The following ADARB2 variants were observed in gnomAD, a reference collection of about 807,000 sequenced individuals.
ADARB2 encodes the protein inactive double-stranded RNA-specific editase B2.
ADARB2 carries 25 observed loss-of-function variants against 62.2 expected under a neutral mutation model. The observed-to-expected ratio is 0.40, with a 90% CI of 0.29 to 0.56. The LOEUF (loss-of-function observed/expected upper bound fraction) is 0.56. Ranked by LOEUF, ADARB2 falls within the 20% of genes least tolerant of loss-of-function variation. The pLI is 0.43. For missense variants in ADARB2, 1,071 were observed against 1,077.4 expected (o/e 0.99, Z 0.08); for synonymous variants, 572 against 500.8 (o/e 1.14, Z -1.90).
At chr10:1,724,171 G>A (rs749296134) in intron 1 of ADARB2, among the ~76,000 whole-genome samples, 5 of 152,278 alleles carry the variant, frequency 3.3e-5, no homozygotes, top group Admixed American at 6.5e-5. Flanking sequence ...GCTGAAAAGC[G>A]TGCAGCCAAG....
At chr10:1,311,081 C>G (rs1214304354) in intron 3 of ADARB2, among the ~76,000 whole-genome samples, 1 of 152,148 alleles carries the variant, frequency 6.6e-6, no homozygotes, top group African/African-American at 2.4e-5. Flanking sequence ...AGCATGGAGC[C>G]GTGAAGACCA....
chr10:1,585,906 C>T (rs926267921), intron 1 of ADARB2, among the ~76,000 whole-genome samples: 8 of 152,066 alleles, frequency 5.3e-5, no homozygotes, highest in South Asian at 2.1e-4. Context: ...GGGTGGCGGG[C>T]GGCTGTAGTC....
intron 1 of ADARB2, among the ~76,000 whole-genome samples, chr10:1,564,861 G>A (rs1417081344): frequency 6.6e-6 from 1 of 150,388 alleles, no homozygotes; most frequent in African/African-American, 2.5e-5. Flanking sequence ...TGCCTTAACA[G>A]CTCTTAGGGT....
intron 1 of ADARB2, among the ~76,000 whole-genome samples, chr10:1,658,726 C>T (rs1362896363): frequency 1.3e-5 from 2 of 152,250 alleles, no homozygotes; most frequent in Non-Finnish European, 2.9e-5. Context: ...AGAACAGAGC[C>T]TCCAACCTGC....
intron 1 of ADARB2, among the ~76,000 whole-genome samples, chr10:1,475,083 C>A (rs1309127026): frequency 6.6e-6 from 1 of 152,136 alleles, no homozygotes; most frequent in Non-Finnish European, 1.5e-5. Flanking sequence ...AGGTCAGGCG[C>A]TCAGGAAGAG....
intron 7 of ADARB2, among the ~76,000 whole-genome samples, chr10:1,207,877 C>A: frequency 6.6e-6 from 1 of 152,204 alleles, no homozygotes; most frequent in Admixed American, 6.5e-5. Context: ...CTAAAAGCAC[C>A]TCTGCAGTTT....
chr10:1,595,787 C>G (rs1049991534), intron 1 of ADARB2, among the ~76,000 whole-genome samples: 1 of 152,254 alleles, frequency 6.6e-6, no homozygotes, highest in Non-Finnish European at 1.5e-5. Flanking sequence ...TCATAATGGA[C>G]TTCAAAGTTG....
chr10:1,639,437 G>A (rs1248255609), intron 1 of ADARB2, among the ~76,000 whole-genome samples: 1 of 152,240 alleles, frequency 6.6e-6, no homozygotes, highest in South Asian at 2.1e-4. Context: ...CTTTATCTGG[G>A]TGTTTCTCCC....
chr10:1,647,061 G>A (rs1026040438), intron 1 of ADARB2, among the ~76,000 whole-genome samples: 5 of 152,212 alleles, frequency 3.3e-5, no homozygotes, highest in African/African-American at 7.2e-5. Context: ...CACGAGTTCC[G>A]TCCTCACTGC....
intron 1 of ADARB2, among the ~76,000 whole-genome samples, chr10:1,691,076 T>G (rs1339086682): frequency 6.6e-6 from 1 of 152,112 alleles, no homozygotes; most frequent in Non-Finnish European, 1.5e-5. Context: ...CCCCAGGACC[T>G]CAGAAGGGAC....
chr10:1,467,162 T>G (rs373211919), intron 1 of ADARB2, among the ~76,000 whole-genome samples: 3 of 152,226 alleles, frequency 2.0e-5, no homozygotes, highest in African/African-American at 7.2e-5. Context: ...CGATGCTTTC[T>G]ATGTGAGCAT....
chr10:1,465,582 C>T (rs1045470272), intron 1 of ADARB2, among the ~76,000 whole-genome samples: 4 of 152,254 alleles, frequency 2.6e-5, no homozygotes, highest in African/African-American at 9.6e-5. Flanking sequence ...CTGCCTCTGG[C>T]AGGGCAATTC....
intron 1 of ADARB2, among the ~76,000 whole-genome samples, chr10:1,555,740 G>T (rs1470387568): frequency 6.6e-6 from 1 of 152,194 alleles, no homozygotes; most frequent in Non-Finnish European, 1.5e-5. Flanking sequence ...TTCGAGATCA[G>T]CCTGGCCAAC....
rs183447378 is a variant in ADARB2, at chr10:1,631,519, C to T, written c.100+105532G>A. Among the ~76,000 whole-genome samples the T allele has an allele frequency of 2.2e-3, 339 of 152,354 alleles. 1 individual carries two copies. Among genetic ancestry groups the T allele is most frequent in the African/African-American group, 7.9e-3 (328 of 41,584 alleles). The stretch of plus-strand genomic sequence containing the variant: ...CTTAACAGGAAACCCAAATGAACAG[C>T]AGTGCTTCCGTCACTCTTTGATGCC... On this transcript the variant is annotated intron_variant, in intron 1 of 9. Transcript: ENST00000381312.
intron 1 of ADARB2, among the ~76,000 whole-genome samples, chr10:1,629,242 C>T (rs918235066): frequency 4.6e-5 from 7 of 152,042 alleles, no homozygotes; most frequent in African/African-American, 1.7e-4. Flanking sequence ...AATTGGACTC[C>T]CTGGTGAGTG....
At chr10:1,298,716 G>C (rs895583857) in intron 3 of ADARB2, among the ~76,000 whole-genome samples, 2 of 123,372 alleles carry the variant, frequency 1.6e-5, no homozygotes. Context: ...CATGTGCGAC[G>C]GGAATTTTTT....
intron 1 of ADARB2, among the ~76,000 whole-genome samples, chr10:1,587,234 A>G (rs1833192833): frequency 1.3e-5 from 2 of 152,222 alleles, no homozygotes. Context: ...AACAAAACAA[A>G]AAGAACAATG....
At chr10:1,407,797 C>T (rs1340367343) in intron 1 of ADARB2, among the ~76,000 whole-genome samples, 3 of 152,194 alleles carry the variant, frequency 2.0e-5, no homozygotes, top group Non-Finnish European at 2.9e-5. Context: ...GGGGGTTGCT[C>T]TCGCCCGGCC....
intron 2 of ADARB2, among the ~76,000 whole-genome samples, chr10:1,366,963 C>T (rs1303511632): frequency 2.0e-5 from 3 of 152,186 alleles, no homozygotes; most frequent in Admixed American, 6.5e-5. Flanking sequence ...AGGTTGAGTG[C>T]GGCTGGATGT....
Sources: gnomAD v4.1 joint callset for allele counts (sites outside exome capture counted in the v4.1 genomes callset) on GRCh38, gnomAD v4.1.1 for gene constraint, MANE v1.5 for transcripts, NCBI Gene and HGNC (gene_info 2026-07-23, HGNC 2026-07-21) for gene names.